The following CILK1 variants were observed in gnomAD, a reference collection of about 807,000 sequenced individuals.
CILK1 encodes the protein serine/threonine-protein kinase ICK.
Under a neutral mutation model 79.2 loss-of-function variants are expected in CILK1, and 47 were observed. The ratio of observed to expected loss-of-function variants is 0.59; its 90% CI spans 0.47 to 0.76. The LOEUF is 0.76. Among genes scored for constraint, CILK1 ranks in the 30% least tolerant of loss-of-function variants. The probability of loss-of-function intolerance (pLI) is 0.00; values close to 1 mark genes in which losing one functional copy is unlikely to be tolerated. For missense variants in CILK1, 660 were observed against 769.5 expected, an observed-to-expected ratio of 0.86 and a Z score of 1.68; for synonymous variants, 266 against 275.9, an observed-to-expected ratio of 0.96 and a Z score of 0.36.
chr6:53,056,987 G>C (rs778671115), intron 1 of CILK1, among the ~76,000 whole-genome samples: 3 of 152,172 alleles, frequency 2.0e-5, no homozygotes, highest in Admixed American at 2.0e-4. Context: ...TCACATGAAG[G>C]CATGTATATC....
chr6:53,061,371 G>A (rs1354578486), intron 1 of CILK1, among the ~76,000 whole-genome samples: 2 of 152,190 alleles, frequency 1.3e-5, no homozygotes, highest in African/African-American at 4.8e-5. Flanking sequence ...CCCTCCTTAA[G>A]ACTAAAAGAT....
intron 13 of CILK1, among the ~76,000 whole-genome samples, chr6:53,005,929 G>A (rs958036595): frequency 7.9e-5 from 12 of 152,278 alleles, no homozygotes; most frequent in Admixed American, 5.9e-4. Context: ...AGTTCTGCCT[G>A]AAAGCTCAAG....
chr6:53,043,823 T>TTAGGGCACAGGATGC (rs1562038666), intron 1 of CILK1, among the ~76,000 whole-genome samples: 3 of 12,962 alleles, frequency 2.3e-4, no homozygotes, highest in Admixed American at 1.7e-3. Context: ...TTCAAGTATG[T>TTAGGGCACAGGATGC]GGAGGGGAAT....
intron 1 of CILK1, among the ~76,000 whole-genome samples, chr6:53,059,968 G>T (rs1035153295): frequency 6.6e-6 from 1 of 152,182 alleles, no homozygotes; most frequent in African/African-American, 2.4e-5. Flanking sequence ...GACTAGATTA[G>T]AATATAGAAG....
At chr6:53,007,768 A>G (rs912688012) in intron 12 of CILK1, among the ~76,000 whole-genome samples, 5 of 141,768 alleles carry the variant, frequency 3.5e-5, no homozygotes, top group Non-Finnish European at 6.1e-5. Flanking sequence ...TGTTTCTACT[A>G]AAAATACAAA....
chr6:53,020,507 G>C (rs1485298933), intron 5 of CILK1, among the ~76,000 whole-genome samples: 1 of 152,190 alleles, frequency 6.6e-6, no homozygotes, highest in Non-Finnish European at 1.5e-5. Flanking sequence ...TCCAAAACCT[G>C]AAACTTTTTG....
chr6:53,027,142 A>C (rs1765630549), intron 5 of CILK1, among the ~76,000 whole-genome samples: 1 of 152,256 alleles, frequency 6.6e-6, no homozygotes, highest in South Asian at 2.1e-4. Flanking sequence ...TTTATCAAGA[A>C]GGCTAGAACG....
At chr6:53,019,087 C>T in intron 6 of CILK1, 140 bp downstream of exon 6, 1 of 781,570 alleles carries the variant, frequency 1.3e-6, no homozygotes. Flanking sequence ...ACATTACCAA[C>T]ATATCTATAA....
chr6:53,032,410 T>TAAAATAA (rs567644728), intron 4 of CILK1, 123 bp downstream of exon 4: 3 of 387,218 alleles, frequency 7.7e-6, no homozygotes, highest in Non-Finnish European at 1.2e-5. Context: ...AATAATAAAA[T>TAAAATAA]AAAATAAAAA....
chr6:53,016,315 G>C, intron 7 of CILK1, 65 bp from the exon 8 acceptor site: 2 of 1,548,534 alleles, frequency 1.3e-6, no homozygotes, highest in South Asian at 2.2e-5. Context: ...TTGTATTCTG[G>C]CATGTGTGCC....
chr6:53,052,686 G>T (rs553813084), intron 1 of CILK1, among the ~76,000 whole-genome samples: 1 of 151,032 alleles, frequency 6.6e-6, no homozygotes, highest in East Asian at 1.9e-4. Flanking sequence ...AGCAGAGATC[G>T]CACCACTGTA....
At chr6:53,014,577 G>T (rs973123853) in intron 8 of CILK1, among the ~76,000 whole-genome samples, 1 of 152,174 alleles carries the variant, frequency 6.6e-6, no homozygotes, top group Non-Finnish European at 1.5e-5. Context: ...AATTCTTTCT[G>T]AAATATTTCC....
chr6:53,001,346 T>G lies in CILK1; in HGVS notation c.*3803A>C, dbSNP rs1324524554. On this transcript the variant is annotated 3_prime_UTR_variant, in exon 14 of 14. Transcript: ENST00000676107. ...TTTATTTGGACCAGGAAATTTTTCCTTACATAAGGTTGACATGTTTTAAAC... is the reference window on the plus strand; with the variant it reads ...TTTATTTGGACCAGGAAATTTTTCCGTACATAAGGTTGACATGTTTTAAAC... 1 of 147,744 alleles carries G rather than the reference T, an allele frequency of 6.8e-6. No homozygotes were observed. The highest frequency in any genetic ancestry group is 2.4e-5 in the African/African-American group (1 of 41,306). The allele number at this position is 147,744 out of a possible 1,614,324, so 9.2% of individuals were successfully genotyped here.
chr6:53,012,420 G>C (rs1222155240), intron 9 of CILK1, among the ~76,000 whole-genome samples, 193 bp from the exon 10 acceptor site: 1 of 152,110 alleles, frequency 6.6e-6, no homozygotes, highest in African/African-American at 2.4e-5. Flanking sequence ...GATTGTATCA[G>C]CTGCCATCCA....
chr6:53,032,876 T>C (rs148379406), intron 3 of CILK1, among the ~76,000 whole-genome samples: 1 of 152,296 alleles, frequency 6.6e-6, no homozygotes, highest in East Asian at 1.9e-4. Flanking sequence ...AAGGTATGTA[T>C]TCGACCAGTA....
chr6:53,047,220 G>C (rs1767140660), intron 1 of CILK1, among the ~76,000 whole-genome samples: 1 of 152,152 alleles, frequency 6.6e-6, no homozygotes, highest in Non-Finnish European at 1.5e-5. Context: ...GAGGGCGATG[G>C]GGCAAATTGC....
At chr6:53,005,682 C>A (rs977991400) in intron 13 of CILK1, among the ~76,000 whole-genome samples, 5 of 152,166 alleles carry the variant, frequency 3.3e-5, no homozygotes, top group Admixed American at 3.3e-4. Context: ...TCCCTGCTTC[C>A]TACCTTGCCC....
intron 2 of CILK1, among the ~76,000 whole-genome samples, chr6:53,038,733 G>C (rs1766515258): frequency 6.6e-6 from 1 of 152,140 alleles, no homozygotes; most frequent in Non-Finnish European, 1.5e-5. Flanking sequence ...ACTGCCTGTG[G>C]CTGCTTTCAA....
chr6:53,046,040 C>T (rs1327837047), intron 1 of CILK1, among the ~76,000 whole-genome samples: 5 of 152,128 alleles, frequency 3.3e-5, no homozygotes, highest in Non-Finnish European at 5.9e-5. Context: ...TTTCTTCTGC[C>T]TAGTTTTCTG....
Sources: allele counts gnomAD v4.1 joint callset (sites outside exome capture counted in the v4.1 genomes callset), GRCh38; gene constraint gnomAD v4.1.1; transcripts MANE v1.5; gene names NCBI Gene and HGNC (gene_info 2026-07-23, HGNC 2026-07-21).